The following FUT8 variants were observed in gnomAD, a reference collection of about 807,000 sequenced individuals.
FUT8 encodes fucosyltransferase 8.
A neutral mutation model predicts 71.3 loss-of-function variants in FUT8; 29 were observed. The ratio of observed to expected loss-of-function variants is 0.41; its 90% CI spans 0.30 to 0.55. The LOEUF (loss-of-function observed/expected upper bound fraction) is 0.55. Among genes scored for constraint, FUT8 ranks in the 20% least tolerant of loss-of-function variants. The pLI, the probability that FUT8 is intolerant of heterozygous loss-of-function variation, is 0.34. For missense variants in FUT8, 544 were observed against 702.1 expected, an observed-to-expected ratio of 0.77 and a Z score of 2.55; for synonymous variants, 254 against 239.3, an observed-to-expected ratio of 1.06 and a Z score of -0.57.
chr14:65,425,634 C>T (rs1045236956), intron 1 of FUT8, among the ~76,000 whole-genome samples: 4 of 152,092 alleles, frequency 2.6e-5, no homozygotes, highest in East Asian at 3.9e-4. Context: ...TTAACACATC[C>T]GTCACCTCAC....
At chr14:65,616,927 C>T (rs1001213170) in intron 5 of FUT8, among the ~76,000 whole-genome samples, 2 of 151,958 alleles carry the variant, frequency 1.3e-5, no homozygotes, top group Non-Finnish European at 2.9e-5. Context: ...TTTGTTTCTC[C>T]TATGCACACG....
At chr14:65,548,484 C>T (rs1392072513) in intron 2 of FUT8, among the ~76,000 whole-genome samples, 1 of 151,784 alleles carries the variant, frequency 6.6e-6, no homozygotes, top group Admixed American at 6.6e-5. Context: ...TGTTGAAGGC[C>T]ATCTTGATTT....
rs1288563786 is a variant in FUT8 at position 65,677,141 on chromosome 14, TGTGTGTGTGTGC to T, written c.835+7663_835+7674del. ...GTGTGTGTGTGTGTGTGTGTGTGTG[TGTGTGTGTGTGC>T]GCGCGCGCATGCGCGCGCACGTATG... On this transcript the variant is annotated intron_variant, in intron 7 of 10. Coordinates refer to ENST00000673929, the MANE Select transcript of FUT8 (RefSeq NM_001371533.1). 5.4e-5 allele frequency among the ~76,000 whole-genome samples: 6 copies of T among 111,952 alleles called. No individual in the cohort carries two copies. In the South Asian group the frequency reaches 8.3e-4, roughly 15 times the overall value. 73.4% of individuals were successfully genotyped at this position (111,952 alleles called of 152,430 possible). A position where few individuals can be genotyped will look rare whatever the true frequency, so the allele number is the denominator to read the frequency against.
At chr14:65,366,321 T>G in the FUT8 span, among the ~76,000 whole-genome samples, 1 of 152,294 alleles carries the variant, frequency 6.6e-6, no homozygotes, top group African/African-American at 2.4e-5. Context: ...GACTGAGTAG[T>G]CAGGGAAAGG....
chr14:65,693,468 C>T (rs1018352046), intron 7 of FUT8, among the ~76,000 whole-genome samples: 2 of 152,216 alleles, frequency 1.3e-5, no homozygotes, highest in African/African-American at 4.8e-5. Context: ...GGCAGCAGTA[C>T]AGTCCAGCTT....
chr14:65,527,040 C>G (rs1883526378), intron 2 of FUT8, among the ~76,000 whole-genome samples: 1 of 152,134 alleles, frequency 6.6e-6, no homozygotes, highest in Admixed American at 6.5e-5. Flanking sequence ...AATTATGTGT[C>G]TTGGAGTTGC....
intron 2 of FUT8, among the ~76,000 whole-genome samples, chr14:65,547,094 T>C (rs1040217442): frequency 6.6e-6 from 1 of 151,666 alleles, no homozygotes; most frequent in Non-Finnish European, 1.5e-5. Flanking sequence ...ACATTCCTAA[T>C]ATTAGCAGCT....
chr14:65,558,884 TTAGAAAATGACCATG>T (rs1309171969), intron 2 of FUT8, among the ~76,000 whole-genome samples: 1 of 151,500 alleles, frequency 6.6e-6, no homozygotes, highest in Non-Finnish European at 1.5e-5. Context: ...ATGCTATTAA[TTAGAAAATGACCATG>T]TTTTGCTCTT....
At chr14:65,584,177 G>A (rs1041455020) in intron 3 of FUT8, among the ~76,000 whole-genome samples, 6 of 102,832 alleles carry the variant, frequency 5.8e-5, no homozygotes, top group African/African-American at 2.0e-4. Context: ...ACCACGCCCA[G>A]CCTTTTTTTT....
chr14:65,677,634 A>C (rs1387615670), intron 7 of FUT8, among the ~76,000 whole-genome samples: 1 of 152,186 alleles, frequency 6.6e-6, no homozygotes, highest in African/African-American at 2.4e-5. Context: ...AGGTATAAAT[A>C]ATGGGCACAT....
the FUT8 span, among the ~76,000 whole-genome samples, chr14:65,369,903 T>A: frequency 6.6e-6 from 1 of 152,186 alleles, no homozygotes; most frequent in East Asian, 1.9e-4. This position sits in a 1 kb window ranked among gnomAD's most constrained non-coding sequence, Gnocchi z 4.6. Flanking sequence ...ACTTTCTTCA[T>A]AAACTTGCTT....
intron 6 of FUT8, among the ~76,000 whole-genome samples, chr14:65,639,365 A>G (rs1890721916): frequency 6.6e-6 from 1 of 152,156 alleles, no homozygotes; most frequent in South Asian, 2.1e-4. Context: ...TCATTGGTGC[A>G]TTCATTCCTT....
intron 3 of FUT8, among the ~76,000 whole-genome samples, chr14:65,600,187 A>G (rs1888223034): frequency 6.6e-6 from 1 of 152,196 alleles, no homozygotes; most frequent in South Asian, 2.1e-4. Flanking sequence ...CTGTTTGTAA[A>G]AGATGTGTCA....
intron 7 of FUT8, among the ~76,000 whole-genome samples, chr14:65,708,864 G>A (rs1388559167): frequency 7.9e-5 from 12 of 152,064 alleles, no homozygotes; most frequent in Admixed American, 7.9e-4. Context: ...GAGGGGATGG[G>A]GAAAGGAGAG....
At chr14:65,444,535 G>A (rs2065709094) in intron 1 of FUT8, among the ~76,000 whole-genome samples, 1 of 152,130 alleles carries the variant, frequency 6.6e-6, no homozygotes, top group South Asian at 2.1e-4. Context: ...AAATGGTAAT[G>A]TACATATAGA....
chr14:65,540,099 A>T (rs905593169), intron 2 of FUT8, among the ~76,000 whole-genome samples: 1 of 152,210 alleles, frequency 6.6e-6, no homozygotes, highest in Non-Finnish European at 1.5e-5. Flanking sequence ...AAAAGCACTT[A>T]TTGGGGATAG....
At chr14:65,674,443 T>C (rs1200775885) in intron 7 of FUT8, among the ~76,000 whole-genome samples, 1 of 152,246 alleles carries the variant, frequency 6.6e-6, no homozygotes, top group Admixed American at 6.5e-5. Flanking sequence ...TATTAGGTTA[T>C]AACCTGCAAC....
At chr14:65,564,595 C>G (rs1886087014) in intron 3 of FUT8, among the ~76,000 whole-genome samples, 1 of 151,916 alleles carries the variant, frequency 6.6e-6, no homozygotes, top group African/African-American at 2.4e-5. Context: ...TGAGTTTTGG[C>G]AAATACAGTC....
At chr14:65,494,148 ACT>A (rs1262207121) in intron 2 of FUT8, among the ~76,000 whole-genome samples, 1 of 152,158 alleles carries the variant, frequency 6.6e-6, no homozygotes, top group Non-Finnish European at 1.5e-5. Flanking sequence ...TAATTTTTTA[ACT>A]TTTTGTTAGC....
Sources: gnomAD v4.1 joint callset for allele counts (sites outside exome capture counted in the v4.1 genomes callset) on GRCh38, gnomAD v4.1.1 for gene constraint, Gnocchi (gnomAD v3.1) non-coding constraint, MANE v1.5 for transcripts, NCBI Gene and HGNC (gene_info 2026-07-23, HGNC 2026-07-21) for gene names.